MEF2C: variants seen among roughly 807,000 people sequenced by gnomAD.
MEF2C encodes myocyte-specific enhancer factor 2C.
Under a neutral mutation model 50.5 loss-of-function variants are expected in MEF2C, and 6 were observed. That is an observed-to-expected ratio of 0.12 (90% CI 0.07 to 0.23). The LOEUF (loss-of-function observed/expected upper bound fraction) is 0.23, where lower values mean the gene tolerates loss of function less well. Ranked by LOEUF, MEF2C falls within the 10% of genes least tolerant of loss-of-function variation. MEF2C has a pLI of 1.00. For missense variants in MEF2C, 276 were observed against 605.0 expected, an observed-to-expected ratio of 0.46 and a Z score of 5.70; for synonymous variants, 183 against 228.0, an observed-to-expected ratio of 0.80 and a Z score of 1.78.
At chr5:88,804,949 A>G (rs374811710) in intron 2 of MEF2C, 148 bp from the exon 3 acceptor site, 1 of 619,472 alleles carries the variant, frequency 1.6e-6, no homozygotes. Flanking sequence ...AAGCAAATAA[A>G]TCTAATATTA....
At chr5:88,731,950 A>T in intron 6 of MEF2C, 49 bp from the exon 7 acceptor site, 1 of 1,528,912 alleles carries the variant, frequency 6.5e-7, no homozygotes, top group Non-Finnish European at 8.9e-7. Context: ...TAGGTCAAAT[A>T]CGTTTCCGAA....
intron 6 of MEF2C, among the ~76,000 whole-genome samples, chr5:88,745,547 C>T (rs1254893395): frequency 2.0e-5 from 3 of 152,204 alleles, no homozygotes; most frequent in South Asian, 4.1e-4. Context: ...CAGAGGCTCA[C>T]GCCTGTAATC....
chr5:88,896,331 C>T (rs1354128469), intron 1 of MEF2C, among the ~76,000 whole-genome samples: 1 of 152,210 alleles, frequency 6.6e-6, no homozygotes, highest in Non-Finnish European at 1.5e-5. Context: ...CAGACTTACC[C>T]TGTGTGCTCT....
At chr5:88,878,200 T>A (rs1205981456) in intron 1 of MEF2C, among the ~76,000 whole-genome samples, 1 of 152,036 alleles carries the variant, frequency 6.6e-6, no homozygotes, top group Non-Finnish European at 1.5e-5. Flanking sequence ...CAATCTAGTG[T>A]CTACACTTGG....
At chr5:88,736,010 C>T (rs1488619926) in intron 6 of MEF2C, 15 of 985,158 alleles carry the variant, frequency 1.5e-5, no homozygotes, top group African/African-American at 1.7e-5. Context: ...CACTATGGAC[C>T]ATGGCTAATT....
intron 3 of MEF2C, among the ~76,000 whole-genome samples, chr5:88,795,000 G>T (rs1257530757): frequency 1.3e-5 from 2 of 152,020 alleles, no homozygotes; most frequent in Non-Finnish European, 2.9e-5. Flanking sequence ...CCATTGGTCT[G>T]TATAACTGTT....
chr5:88,809,316 T>C (rs1432922082), intron 2 of MEF2C, among the ~76,000 whole-genome samples: 4 of 152,140 alleles, frequency 2.6e-5, no homozygotes, highest in Non-Finnish European at 5.9e-5. Flanking sequence ...TTACTAAAAA[T>C]TTAAGAAAGT....
intron 3 of MEF2C, chr5:88,761,952 C>A (rs1778061233): frequency 6.6e-6 from 1 of 152,062 alleles, no homozygotes. Flanking sequence ...ATGTGAAAAT[C>A]TTATCAAAAT....
rs761935249 is a variant in MEF2C at position 88,761,235 on chromosome 5, T to G, written c.352A>C (p.Arg118=). Residue 118 remains arginine (R), a synonymous_variant, in exon 4 of 11, where the codon AGG becomes CGG. Coordinates refer to ENST00000504921, the MANE Select transcript of MEF2C (RefSeq NM_002397.5). ...GHSPESEDKY[R]KINEDIDLMI... ...AGATCAATATCTTCGTTAATTTTCC[T>G]GTACTTGTCCTCAGACTCAGGGCTG... is the stretch of plus-strand genomic sequence containing the variant. The G allele has an allele frequency of 1.2e-6, 2 of 1,614,040 alleles. No homozygotes were observed. The highest frequency in any genetic ancestry group is 1.7e-6 in the Non-Finnish European group (2 of 1,179,886).
chr5:88,734,576 T>TTTTTTTTTG, intron 6 of MEF2C: 1 of 856,638 alleles, frequency 1.2e-6, no homozygotes, highest in Non-Finnish European at 1.4e-6. Context: ...TTTTTTTTTT[T>TTTTTTTTTG]TTTTTTTTTT....
intron 1 of MEF2C, among the ~76,000 whole-genome samples, chr5:88,900,118 A>C (rs1835494804): frequency 6.6e-6 from 1 of 152,072 alleles, no homozygotes; most frequent in South Asian, 2.1e-4. Context: ...TCAACTAAAC[A>C]GTTTCTTTTC....
upstream of MEF2C, chr5:88,887,403 T>G (rs1217214721): frequency 6.6e-6 from 1 of 152,250 alleles, no homozygotes; most frequent in Non-Finnish European, 1.5e-5. Flanking sequence ...ATTATTGTTA[T>G]ACACGTCTAT....
At chr5:88,837,932 A>G (rs1435702989) in intron 1 of MEF2C, among the ~76,000 whole-genome samples, 2 of 152,214 alleles carry the variant, frequency 1.3e-5, no homozygotes, top group African/African-American at 4.8e-5. Context: ...AAAACAGCCT[A>G]TGAGGAAGGC....
At chr5:88,758,703 T>C (rs188911212) in intron 4 of MEF2C, among the ~76,000 whole-genome samples, 1 of 152,282 alleles carries the variant, frequency 6.6e-6, no homozygotes, top group East Asian at 1.9e-4. Flanking sequence ...ACTGGGCTTT[T>C]CATCGTGAAG....
chr5:88,875,832 G>C (rs1830884566), intron 1 of MEF2C, among the ~76,000 whole-genome samples: 1 of 151,920 alleles, frequency 6.6e-6, no homozygotes, highest in South Asian at 2.1e-4. Context: ...CAGAAGAGGG[G>C]AAGTTTATGA....
At chr5:88,799,894 A>G in intron 3 of MEF2C, among the ~76,000 whole-genome samples, 1 of 92,914 alleles carries the variant, frequency 1.1e-5, no homozygotes, top group South Asian at 3.9e-4. Flanking sequence ...ACACACACAC[A>G]CACACACACA....
chr5:88,874,608 C>T (rs536666665), intron 1 of MEF2C, among the ~76,000 whole-genome samples: 1 of 151,822 alleles, frequency 6.6e-6, no homozygotes, highest in South Asian at 2.1e-4. Flanking sequence ...GTATTAATTT[C>T]TTAACAATTT....
At chr5:88,825,204 TG>T (rs942728476) in intron 1 of MEF2C, among the ~76,000 whole-genome samples, 4 of 151,982 alleles carry the variant, frequency 2.6e-5, no homozygotes, top group African/African-American at 9.7e-5. Context: ...ACATTCGGTC[TG>T]ACCATTAGCT....
intron 1 of MEF2C, among the ~76,000 whole-genome samples, chr5:88,853,777 G>A (rs1242861061): frequency 1.3e-5 from 2 of 152,134 alleles, no homozygotes; most frequent in African/African-American, 4.8e-5. Flanking sequence ...AGGAATAAGC[G>A]ATCCACATGG....
Sources: allele counts gnomAD v4.1 joint callset (sites outside exome capture counted in the v4.1 genomes callset), GRCh38; gene constraint gnomAD v4.1.1; transcripts MANE v1.5; gene names NCBI Gene and HGNC (gene_info 2026-07-23, HGNC 2026-07-21).